The following LOXHD1 variants were observed in gnomAD, a reference collection of about 807,000 sequenced individuals.
LOXHD1 encodes the protein lipoxygenase homology PLAT domains 1, also known as lipoxygenase homology domain-containing protein 1.
In LOXHD1, 205 loss-of-function variants were observed where a neutral mutation model predicts 248.2. The ratio of observed to expected loss-of-function variants is 0.83; its 90% confidence interval spans 0.74 to 0.93. The LOEUF is 0.93. Among genes scored for constraint, LOXHD1 ranks in the 40% least tolerant of loss-of-function variants. The pLI, the probability that LOXHD1 is intolerant of heterozygous loss-of-function variation, is 0.00. For synonymous variants in LOXHD1, 1,113 were observed against 1,162.8 expected, an observed-to-expected ratio of 0.96 and a Z score of 0.87; for missense variants, 2,930 against 2,971.6, an observed-to-expected ratio of 0.99 and a Z score of 0.33.
At chr18:46,520,675 T>G (rs2035531876) in intron 33 of LOXHD1, 1 of 243,378 alleles carries the variant, frequency 4.1e-6, no homozygotes, top group African/African-American at 2.3e-5. Context: ...AGATGCCATC[T>G]TTCCTATCAC....
In LOXHD1 at chr18:46,477,825, C is replaced by G; in HGVS notation, c.6469G>C (p.Glu2157Gln). 1 of 1,551,842 alleles carries G rather than the reference C, an allele frequency of 6.4e-7. No homozygotes were observed. The highest frequency in any genetic ancestry group is 8.7e-7 in the Non-Finnish European group (1 of 1,147,022). The change falls in exon 41 of 41, where the codon GAA becomes CAA. Residue 2157 changes from glutamate to glutamine, a missense_variant. Physicochemically the swap from Glu to Gln is conservative, Grantham distance 29 (BLOSUM62 2). Transcript: ENST00000642948. ...TCATAGCCTGTTGTCACGATGACTT[C>G]GTACTTGACGGGCACCAGGCTCTGG... ...KVQSLVPVKYEVIVTTGYEPG... is the reference protein window; with the variant it reads ...KVQSLVPVKYQVIVTTGYEPG...
intron 36 of LOXHD1, 119 bp downstream of exon 36, chr18:46,507,419 T>G: frequency 9.1e-7 from 1 of 1,094,918 alleles, no homozygotes; most frequent in South Asian, 1.5e-5. Context: ...AAACTTGGAT[T>G]GACTAGATTT....
chr18:46,598,719 T>C (rs4890678), intron 8 of LOXHD1, among the ~76,000 whole-genome samples: 2,092 of 152,202 alleles, frequency 0.014, 24 homozygotes, highest in Non-Finnish European at 0.02. Context: ...TAACAAAAAT[T>C]ATAAGGTCTC....
chr18:46,613,158 T>C (rs1568216887), intron 5 of LOXHD1, among the ~76,000 whole-genome samples: 1 of 152,116 alleles, frequency 6.6e-6, no homozygotes, highest in Non-Finnish European at 1.5e-5. Context: ...TCAACTGAAA[T>C]TGCATTGCAT....
At chr18:46,585,488 CA>C (rs1310052743) in intron 12 of LOXHD1, among the ~76,000 whole-genome samples, 3 of 151,932 alleles carry the variant, frequency 2.0e-5, no homozygotes, top group Non-Finnish European at 4.4e-5. Flanking sequence ...TTTAAGAAAA[CA>C]AGTGAAAAAC....
intron 14 of LOXHD1, among the ~76,000 whole-genome samples, chr18:46,575,519 C>T (rs1265274260): frequency 2.0e-5 from 3 of 152,086 alleles, no homozygotes; most frequent in African/African-American, 7.2e-5. Flanking sequence ...GACTGGTATC[C>T]TTATGAAAAG....
At chr18:46,646,464 ACAGC>A (rs1431410376) in intron 2 of LOXHD1, among the ~76,000 whole-genome samples, 2 of 152,142 alleles carry the variant, frequency 1.3e-5, no homozygotes, top group East Asian at 3.9e-4. Flanking sequence ...AGTTCTTGTC[ACAGC>A]CAGACTCTGG....
chr18:46,545,936 C>A (rs1448699999), intron 22 of LOXHD1, among the ~76,000 whole-genome samples: 3 of 45,040 alleles, frequency 6.7e-5, no homozygotes, highest in Non-Finnish European at 1.4e-4. Flanking sequence ...TTGGCCATTT[C>A]TAAGAATCAT....
Position 46,541,741 on chromosome 18 carries a change from A to T in LOXHD1, c.3913+35T>A, listed in dbSNP as rs1363099102. On this transcript the variant is annotated intron_variant, in intron 25 of 40. Coordinates refer to ENST00000642948, the MANE Select transcript of LOXHD1 (RefSeq NM_001384474.1). Reference sequence around the variant, plus strand: ...TTGGGGTAGCTGGTGATGGGGCCCCAGAGAAGGGCTGGCCTTGCCGTGTGT... The same window carrying T: ...TTGGGGTAGCTGGTGATGGGGCCCCTGAGAAGGGCTGGCCTTGCCGTGTGT... 7.1e-6 allele frequency: 11 copies of T among 1,550,968 alleles called. No homozygotes were observed. The Admixed American group carries it at 1.6e-4, about 22-fold the overall frequency.
intron 31 of LOXHD1, among the ~76,000 whole-genome samples, chr18:46,523,616 A>G (rs1402028511): frequency 6.6e-6 from 1 of 152,214 alleles, no homozygotes; most frequent in African/African-American, 2.4e-5. Flanking sequence ...CTTGGAAGAC[A>G]CTACCCTGGC....
intron 1 of LOXHD1, among the ~76,000 whole-genome samples, chr18:46,651,531 G>A (rs545701495): frequency 2.6e-5 from 4 of 151,868 alleles, no homozygotes; most frequent in Non-Finnish European, 5.9e-5. Context: ...CATAGACACC[G>A]GAGAATGCTT....
Position 46,639,748 on chromosome 18 carries a change from T to C in LOXHD1, c.379A>G (p.Ile127Val). ...LNASWYLDHV[I>V]VTDMKRPHLR... ...TGAGGCCTCTTCATGTCGGTCACAA[T>C]CACATGGTCCAGGTACCAGCTGGCA... The change falls in exon 4 of 41, where the codon ATT (isoleucine) becomes GTT (valine). Residue 127 changes from isoleucine to valine, a missense_variant. Coordinates refer to ENST00000642948, the MANE Select transcript of LOXHD1 (RefSeq NM_001384474.1). 1 of 1,551,688 alleles carries C rather than the reference T, an allele frequency of 6.4e-7. No individual in the cohort carries two copies. Among genetic ancestry groups the C allele is most frequent in the Non-Finnish European group, 8.7e-7 (1 of 1,147,000 alleles).
At chr18:46,642,752 A>C (rs1349337367) in intron 2 of LOXHD1, among the ~76,000 whole-genome samples, 1 of 152,220 alleles carries the variant, frequency 6.6e-6, no homozygotes, top group African/African-American at 2.4e-5. Context: ...GCCTCGCCAC[A>C]GAATCCTCTG....
At chr18:46,481,111 T>G (rs1248929053) in intron 40 of LOXHD1, among the ~76,000 whole-genome samples, 1 of 152,218 alleles carries the variant, frequency 6.6e-6, no homozygotes, top group Non-Finnish European at 1.5e-5. Context: ...GTAATTCATG[T>G]AACTCCAAAT....
chr18:46,495,557 A>T (rs2143731761), intron 37 of LOXHD1, among the ~76,000 whole-genome samples: 1 of 152,348 alleles, frequency 6.6e-6, no homozygotes, highest in South Asian at 2.1e-4. Flanking sequence ...ATTCAATGTT[A>T]GCACCAATAA....
chr18:46,486,970 T>C (rs1187996696), intron 38 of LOXHD1, among the ~76,000 whole-genome samples: 1 of 152,142 alleles, frequency 6.6e-6, no homozygotes, highest in African/African-American at 2.4e-5. Context: ...TTGATAAAAA[T>C]GTAGAAGGCA....
intron 28 of LOXHD1, among the ~76,000 whole-genome samples, chr18:46,529,561 C>A (rs534321459): frequency 6.6e-6 from 1 of 152,206 alleles, no homozygotes; most frequent in East Asian, 1.9e-4. Context: ...TCTATGAGAC[C>A]CCAAAAATAG....
intron 2 of LOXHD1, among the ~76,000 whole-genome samples, chr18:46,645,772 A>G (rs1047171449): frequency 7.1e-6 from 1 of 140,520 alleles, no homozygotes; most frequent in Non-Finnish European, 1.5e-5. Flanking sequence ...CTGTACTAGG[A>G]AAAAAAAAAA....
At chr18:46,478,599 A>C (rs2032249585) in intron 40 of LOXHD1, among the ~76,000 whole-genome samples, 1 of 152,232 alleles carries the variant, frequency 6.6e-6, no homozygotes, top group South Asian at 2.1e-4. Context: ...TCCCATGTCA[A>C]GTAAAAGCCA....
Sources: allele counts gnomAD v4.1 joint callset (sites outside exome capture counted in the v4.1 genomes callset), GRCh38; gene constraint gnomAD v4.1.1; transcripts MANE v1.5; gene names NCBI Gene and HGNC (gene_info 2026-07-23, HGNC 2026-07-21).